Variants in IL4 observed in about 807,000 individuals in gnomAD.
IL4 encodes the protein interleukin 4.
In IL4, 10 loss-of-function variants were observed where a neutral mutation model predicts 17.4. That is an observed-to-expected ratio of 0.57 (90% CI 0.35 to 0.97). IL4 has a LOEUF of 0.97. IL4 is among the 50% of genes least tolerant of loss of function. The pLI is 0.01. For synonymous variants in IL4, 87 were observed against 79.0 expected, an observed-to-expected ratio of 1.10 and a Z score of -0.54; for missense variants, 174 against 187.7, an observed-to-expected ratio of 0.93 and a Z score of 0.43.
intron 2 of IL4, 138 bp from the exon 3 acceptor site, chr5:132,679,576 A>C (rs1561677803): frequency 1.4e-6 from 1 of 725,536 alleles, no homozygotes; most frequent in Non-Finnish European, 2.4e-6. Context: ...CTTCAGTGGA[A>C]TACTTGAAGA....
chr5:132,682,625 T>A lies in IL4; in HGVS notation c.*38T>A, dbSNP rs956842431. 4.9e-6 allele frequency: 5 copies of A among 1,016,362 alleles called. No homozygotes were observed. The highest frequency in any genetic ancestry group is 7.4e-6 in the Non-Finnish European group (5 of 674,254). The allele number at this position is 1,016,362 out of a possible 1,614,324, so 63.0% of individuals were successfully genotyped here. A position where few individuals can be genotyped will look rare whatever the true frequency, so the allele number is the denominator to read the frequency against. On this transcript the variant is annotated 3_prime_UTR_variant, in exon 4 of 4. Coordinates refer to ENST00000231449, the MANE Select transcript of IL4 (RefSeq NM_000589.4). Reference sequence around the variant, plus strand: ...ATGAGTTTTTGATAGCTTTATTTTTTAAGTATTTATATATTTATAACTCAT... The same window carrying A: ...ATGAGTTTTTGATAGCTTTATTTTTAAAGTATTTATATATTTATAACTCAT...
At chr5:132,682,151 G>T (rs779677966) in intron 3 of IL4, among the ~76,000 whole-genome samples, 1 of 152,048 alleles carries the variant, frequency 6.6e-6, no homozygotes, top group Admixed American at 6.6e-5. Flanking sequence ...TAGAGCACCG[G>T]GCAGGTCTGA....
intron 2 of IL4, among the ~76,000 whole-genome samples, chr5:132,678,248 G>A (rs1280957218): frequency 1.3e-5 from 2 of 152,206 alleles, no homozygotes; most frequent in Admixed American, 6.5e-5. Flanking sequence ...TGTGCAATGC[G>A]TTTCTACGCA....
Position 132,680,321 on chromosome 5 carries a change from G to A in IL4, c.360+431G>A, listed in dbSNP as rs1427530072. Among the ~76,000 whole-genome samples the A allele has an allele frequency of 6.6e-6, 1 of 152,084 alleles. No individual in the cohort carries two copies. The highest frequency in any genetic ancestry group is 1.5e-5 in the Non-Finnish European group (1 of 68,022). Reference sequence around the variant, plus strand: ...GAGACCATTCCAGGCAGAAGGAGGAGGTATGCAAAGGCCTTAGGATGGAAA... The same window carrying A: ...GAGACCATTCCAGGCAGAAGGAGGAAGTATGCAAAGGCCTTAGGATGGAAA... On this transcript the variant is annotated intron_variant, in intron 3 of 3. Coordinates refer to ENST00000231449, the MANE Select transcript of IL4 (RefSeq NM_000589.4). This position sits in a 1 kb window ranked among gnomAD's most constrained non-coding sequence, Gnocchi z 4.3.
chr5:132,678,367 TA>T (rs1311818452), intron 2 of IL4, among the ~76,000 whole-genome samples: 1 of 152,244 alleles, frequency 6.6e-6, no homozygotes, highest in Non-Finnish European at 1.5e-5. Context: ...ACCCCTATTT[TA>T]AAAAGTATTT....
rs1032317769 is a variant in IL4 at position 132,680,995 on chromosome 5, A to C, written c.360+1105A>C. ...CAAGGCAGGGCTGGAGGTTCAGCAG[A>C]AGATCAAGAGTTCAATTTTGTACAT... On this transcript the variant is annotated intron_variant, in intron 3 of 3. Coordinates refer to ENST00000231449, the MANE Select transcript of IL4 (RefSeq NM_000589.4). This position sits in a 1 kb window ranked among gnomAD's most constrained non-coding sequence, Gnocchi z 4.3. Among the ~76,000 whole-genome samples the C allele has an allele frequency of 2.0e-5, 3 of 152,242 alleles. No individual in the cohort carries two copies. The highest frequency in any genetic ancestry group is 2.9e-5 in the Non-Finnish European group (2 of 68,038).
rs1169434549 is a variant in IL4 at position 132,680,057 on chromosome 5, A to G, written c.360+167A>G. Reference sequence around the variant, plus strand: ...TTCCACAAGTGCTGGGTGTGGTTCTAGGTGCTGAGGACGTGTCACTAAAGA... The same window carrying G: ...TTCCACAAGTGCTGGGTGTGGTTCTGGGTGCTGAGGACGTGTCACTAAAGA... On this transcript the variant is annotated intron_variant, in intron 3 of 3. Coordinates refer to ENST00000231449, the MANE Select transcript of IL4 (RefSeq NM_000589.4). This position sits in a 1 kb window ranked among gnomAD's most constrained non-coding sequence, Gnocchi z 4.3. Among the ~76,000 whole-genome samples, 1 of 152,026 alleles carries G rather than the reference A, an allele frequency of 6.6e-6. No individual in the cohort carries two copies. The highest frequency in any genetic ancestry group is 6.5e-5 in the Admixed American group (1 of 15,268).
rs774507412 is a variant in IL4, at chr5:132,682,522, T to C, written c.397T>C (p.Leu133=). 1.7e-5 allele frequency: 28 copies of C among 1,611,610 alleles called. No homozygotes were observed. The South Asian group carries it at 2.4e-4, about 14-fold the overall frequency. ...CPVKEANQST[L]ENFLERLKTI... ...TGTGAAGGAAGCCAACCAGAGTACG[T>C]TGGAAAACTTCTTGGAAAGGCTAAA... is the stretch of plus-strand genomic sequence containing the variant. Residue 133 remains leucine (L), a synonymous_variant, in exon 4 of 4, where the codon TTG becomes CTG. Transcript: ENST00000231449.
intron 3 of IL4, 88 bp downstream of exon 3, chr5:132,679,978 C>T (rs1278443951): frequency 9.1e-7 from 1 of 1,093,312 alleles, no homozygotes; most frequent in Non-Finnish European, 1.3e-6. Context: ...GGAGCTGCAG[C>T]ACCCTTGGTC....
At chr5:132,676,078 G>T (rs1386335048) in intron 2 of IL4, among the ~76,000 whole-genome samples, 1 of 151,960 alleles carries the variant, frequency 6.6e-6, no homozygotes, top group African/African-American at 2.4e-5. Context: ...AAAGCCAAGG[G>T]AAGGGCCACC....
At position 132,682,537 on chromosome 5, in the gene IL4, G is replaced by A; in HGVS notation, c.412G>A (p.Glu138Lys). Residue 138 changes from glutamate to lysine, a missense_variant, in exon 4 of 4, where the codon GAA becomes AAA. Coordinates refer to ENST00000231449, the MANE Select transcript of IL4 (RefSeq NM_000589.4). ...ANQSTLENFL[E>K]RLKTIMREKY... Reference sequence around the variant, plus strand: ...CCAGAGTACGTTGGAAAACTTCTTGGAAAGGCTAAAGACGATCATGAGAGA... The same window carrying A: ...CCAGAGTACGTTGGAAAACTTCTTGAAAAGGCTAAAGACGATCATGAGAGA... The A allele has an allele frequency of 6.2e-7, 1 of 1,612,790 alleles. No homozygotes were observed. Among genetic ancestry groups the A allele is most frequent in the African/African-American group, 1.3e-5 (1 of 75,018 alleles).
Position 132,682,584 on chromosome 5 carries a change from C to T in IL4, c.459C>T (p.Ser153=). The part of the protein sequence containing the change: ...IMREKYSKCS[S] Reference sequence around the variant, plus strand: ...GAGAGAAATATTCAAAGTGTTCGAGCTGAATATTTTAATTTATGAGTTTTT... The same window carrying T: ...GAGAGAAATATTCAAAGTGTTCGAGTTGAATATTTTAATTTATGAGTTTTT... Residue 153 remains serine, a synonymous_variant, in exon 4 of 4, where the codon AGC becomes AGT. Coordinates refer to ENST00000231449, the MANE Select transcript of IL4 (RefSeq NM_000589.4). 6.5e-7 allele frequency: 1 copy of T among 1,550,254 alleles called. No individual in the cohort carries two copies. Among genetic ancestry groups the T allele is most frequent in the Admixed American group, 1.7e-5 (1 of 57,468 alleles).
intron 2 of IL4, chr5:132,678,003 C>G (rs1204356454): frequency 6.6e-6 from 1 of 152,228 alleles, no homozygotes; most frequent in Non-Finnish European, 1.5e-5. Context: ...AACCGCTCTG[C>G]CCATGGGACA....
intron 2 of IL4, 62 bp downstream of exon 2, chr5:132,674,568 C>A (rs1752344775): frequency 7.2e-7 from 1 of 1,386,488 alleles, no homozygotes; most frequent in Non-Finnish European, 1.0e-6. Flanking sequence ...AATGTCTGAA[C>A]AAGAAACTTG....
intron 2 of IL4, among the ~76,000 whole-genome samples, chr5:132,675,510 G>A (rs558017377): frequency 4.6e-5 from 7 of 152,120 alleles, no homozygotes; most frequent in East Asian, 1.9e-4. Flanking sequence ...TAGTTATCCC[G>A]GGAGTCCGAT....
chr5:132,679,690 T>C lies in IL4; in HGVS notation c.184-24T>C, dbSNP rs372754769. The C allele has an allele frequency of 1.8e-5, 28 of 1,591,228 alleles. No individual in the cohort carries two copies. The Admixed American group carries it at 4.5e-4, about 26-fold the overall frequency. On this transcript the variant is annotated intron_variant, in intron 2 of 3. Coordinates refer to ENST00000231449, the MANE Select transcript of IL4 (RefSeq NM_000589.4). ...CCTCCAAATGGAGCTGGCACATTGC[T>C]ATCTGTGGCATTTGTCTTTCCAGAA...
chr5:132,679,243 A>G (rs141307661), intron 2 of IL4, among the ~76,000 whole-genome samples: 111 of 152,366 alleles, frequency 7.3e-4, no homozygotes, highest in Middle Eastern at 3.4e-3. Flanking sequence ...TTCAACAGGC[A>G]TGCAGGATTT....
chr5:132,678,273 G>T (rs1260663824), intron 2 of IL4, among the ~76,000 whole-genome samples: 1 of 152,166 alleles, frequency 6.6e-6, no homozygotes, highest in Non-Finnish European at 1.5e-5. Flanking sequence ...TCAATCCCAT[G>T]TTCTCTAATA....
chr5:132,681,058 G>T (rs1475402594), intron 3 of IL4, among the ~76,000 whole-genome samples: 1 of 152,232 alleles, frequency 6.6e-6, no homozygotes, highest in Non-Finnish European at 1.5e-5. Context: ...CCAAGTGAAG[G>T]TGTTGAGAAG....
Sources: allele counts gnomAD v4.1 joint callset (sites outside exome capture counted in the v4.1 genomes callset), GRCh38; gene constraint gnomAD v4.1.1; non-coding constraint Gnocchi (gnomAD v3.1); transcripts MANE v1.5; gene names NCBI Gene and HGNC (gene_info 2026-07-23, HGNC 2026-07-21).